DEPDC5: variants seen among roughly 807,000 people sequenced by gnomAD.
The protein encoded by DEPDC5 is DEP domain containing 5, GATOR1 subcomplex subunit.
A neutral mutation model predicts 217.3 loss-of-function variants in DEPDC5; 73 were observed. That is an observed-to-expected ratio of 0.34 (90% confidence interval 0.28 to 0.41). The LOEUF (loss-of-function observed/expected upper bound fraction) is 0.41. DEPDC5 is among the 10% of genes least tolerant of loss of function. The pLI, the probability that DEPDC5 is intolerant of heterozygous loss-of-function variation, is 1.00. For synonymous variants in DEPDC5, 733 were observed against 756.7 expected (o/e 0.97, Z 0.51); for missense variants, 1,675 against 2,070.1 (o/e 0.81, Z 3.70).
At chr22:31,867,506 CTT>C (rs1264454232) in intron 33 of DEPDC5, among the ~76,000 whole-genome samples, 1 of 152,204 alleles carries the variant, frequency 6.6e-6, no homozygotes, top group Non-Finnish European at 1.5e-5. Context: ...TGTGCAGCCT[CTT>C]AAAAGATACA....
At chr22:31,887,798 T>C (rs1348193488) in intron 38 of DEPDC5, among the ~76,000 whole-genome samples, 1 of 152,196 alleles carries the variant, frequency 6.6e-6, no homozygotes, top group East Asian at 1.9e-4. Flanking sequence ...ATGAGAGGTT[T>C]CTTCCCAGCA....
In DEPDC5 at chr22:31,843,349, CTAGGGTTATTT is replaced by C. The variant is rs2091511799; in HGVS notation, c.2633+147_2633+157del. 8 of 957,098 alleles carry C rather than the reference CTAGGGTTATTT, an allele frequency of 8.4e-6. No homozygotes were observed. In the Admixed American group the frequency reaches 1.3e-4, roughly 16 times the overall value. 59.3% of individuals were successfully genotyped at this position (957,098 alleles called of 1,614,324 possible). A position where few individuals can be genotyped will look rare whatever the true frequency, so the allele number is the denominator to read the frequency against. On this transcript the variant is annotated intron_variant, in intron 28 of 42. Coordinates refer to ENST00000651528, the MANE Select transcript of DEPDC5 (RefSeq NM_001242896.3). ...CTTTTGGAGTTTTGTTTGTTTGTTT[CTAGGGTTATTT>C]TAGGGTTATAGCTTACCTACTTCCA... is the stretch of plus-strand genomic sequence containing the variant.
intron 18 of DEPDC5, among the ~76,000 whole-genome samples, chr22:31,807,077 T>C (rs2087634381): frequency 6.6e-6 from 1 of 152,178 alleles, no homozygotes; most frequent in Non-Finnish European, 1.5e-5. Context: ...TGTTTTCTTC[T>C]TTCCAAAGAG....
At chr22:31,874,447 C>T (rs2149257363) in intron 36 of DEPDC5, 42 bp downstream of exon 36, 1 of 1,565,396 alleles carries the variant, frequency 6.4e-7, no homozygotes, top group Non-Finnish European at 8.6e-7. Flanking sequence ...TTGCTTAGGT[C>T]CCGAAAAATC....
Position 31,906,709 on chromosome 22 carries a change from T to A in DEPDC5, c.*212T>A. The A allele has an allele frequency of 6.4e-6, 4 of 628,146 alleles. No homozygotes were observed. Among genetic ancestry groups the A allele is most frequent in the South Asian group, 2.0e-5 (1 of 48,906 alleles). The allele number at this position is 628,146 out of a possible 1,614,324, so 38.9% of individuals were successfully genotyped here. Reference sequence around the variant, plus strand: ...CTAGAAGAAAGACTTTGGAAGCAGCTGCTGCTGCTGCCACCACTCCTGTCA... The same window carrying A: ...CTAGAAGAAAGACTTTGGAAGCAGCAGCTGCTGCTGCCACCACTCCTGTCA... On this transcript the variant is annotated 3_prime_UTR_variant, in exon 43 of 43. Coordinates refer to ENST00000651528, the MANE Select transcript of DEPDC5 (RefSeq NM_001242896.3). The surrounding 1 kb of genome is among the most constrained non-coding windows in gnomAD (Gnocchi z 5.1).
chr22:31,754,801 A>G (rs2147928733), intron 1 of DEPDC5, 61 bp from the exon 2 acceptor site: 1 of 1,153,380 alleles, frequency 8.7e-7, no homozygotes, highest in South Asian at 1.4e-5. Flanking sequence ...GCCTAAAATC[A>G]AAGAGTGGTT....
chr22:31,784,000 T>G lies in DEPDC5; in HGVS notation c.562+15T>G. Reference sequence around the variant, plus strand: ...TGATATTTATGGTACTGTGTCTATGTGCTGATTGTAACTGCTAAGGGGAGA... The same window carrying G: ...TGATATTTATGGTACTGTGTCTATGGGCTGATTGTAACTGCTAAGGGGAGA... On this transcript the variant is annotated intron_variant, in intron 9 of 42. Transcript: ENST00000651528. 6.2e-7 allele frequency: 1 copy of G among 1,607,914 alleles called. No individual in the cohort carries two copies. The highest frequency in any genetic ancestry group is 8.5e-7 in the Non-Finnish European group (1 of 1,177,094).
intron 5 of DEPDC5, 145 bp from the exon 6 acceptor site, chr22:31,766,439 CT>C: frequency 1.4e-6 from 1 of 719,604 alleles, no homozygotes; most frequent in Non-Finnish European, 2.4e-6. Flanking sequence ...GGATATAATT[CT>C]GTTCATCAGA....
intron 10 of DEPDC5, among the ~76,000 whole-genome samples, chr22:31,788,953 C>T (rs983593671): frequency 5.9e-5 from 9 of 152,240 alleles, no homozygotes; most frequent in African/African-American, 1.4e-4. Context: ...TGCAGTGCTG[C>T]GATCTCGAAC....
chr22:31,804,759 A>G (rs545696937), intron 16 of DEPDC5, 83 bp from the exon 17 acceptor site: 2 of 1,455,564 alleles, frequency 1.4e-6, no homozygotes, highest in Non-Finnish European at 1.9e-6. Flanking sequence ...TTTTTTTAAA[A>G]ACCTGAAAAA....
At chr22:31,807,058 G>A (rs917348279) in intron 18 of DEPDC5, among the ~76,000 whole-genome samples, 1 of 152,070 alleles carries the variant, frequency 6.6e-6, no homozygotes, top group African/African-American at 2.4e-5. Context: ...TAACAAGAGT[G>A]GGAATTCTTG....
At position 31,876,275 on chromosome 22, in the gene DEPDC5, G is replaced by A. The variant is rs201608608; in HGVS notation, c.3805+10G>A. On this transcript the variant is annotated intron_variant, in intron 37 of 42. Transcript: ENST00000651528. ...AAAGAGCCCGACCGAGGTTAGAGCC[G>A]AGGCGAATGCGGTTGCCCACAGGGG... 6.5e-5 allele frequency: 105 copies of A among 1,611,038 alleles called. No homozygotes were observed. The African/African-American group carries it at 1.0e-3, about 16-fold the overall frequency.
chr22:31,812,015 G>A (rs1018755835), intron 20 of DEPDC5, among the ~76,000 whole-genome samples: 14 of 150,606 alleles, frequency 9.3e-5, no homozygotes, highest in South Asian at 2.1e-4. Context: ...TCGAGATGGC[G>A]TCTTGCCCTG....
intron 31 of DEPDC5, among the ~76,000 whole-genome samples, chr22:31,851,380 C>T (rs1278665101): frequency 1.3e-5 from 2 of 152,168 alleles, no homozygotes; most frequent in Non-Finnish European, 2.9e-5. Flanking sequence ...AAAGCGTTTA[C>T]ATGGGGGTGG....
At chr22:31,834,159 G>C (rs533133992) in intron 25 of DEPDC5, 179 bp downstream of exon 25, 2 of 707,710 alleles carry the variant, frequency 2.8e-6, no homozygotes, top group South Asian at 3.0e-5. Context: ...GGAAAGTGAG[G>C]GGGTGTGTGA....
intron 24 of DEPDC5, among the ~76,000 whole-genome samples, chr22:31,830,794 A>AGAATTT (rs745985695): frequency 1.3e-5 from 2 of 151,530 alleles, no homozygotes; most frequent in African/African-American, 2.4e-5. Context: ...TATTAGTGTA[A>AGAATTT]GAATTTGAGT....
Position 31,876,272 on chromosome 22 carries a change from G to A in DEPDC5, c.3805+7G>A, listed in dbSNP as rs1223054638. On this transcript the variant is annotated splice_region_variant and intron_variant, in intron 37 of 42. Transcript: ENST00000651528. Reference sequence around the variant, plus strand: ...GACAAAGAGCCCGACCGAGGTTAGAGCCGAGGCGAATGCGGTTGCCCACAG... The same window carrying A: ...GACAAAGAGCCCGACCGAGGTTAGAACCGAGGCGAATGCGGTTGCCCACAG... The A allele has an allele frequency of 6.2e-7, 1 of 1,612,158 alleles. No homozygotes were observed. Among genetic ancestry groups the A allele is most frequent in the Non-Finnish European group, 8.5e-7 (1 of 1,179,480 alleles).
At chr22:31,878,746 A>T (rs949398833) in intron 37 of DEPDC5, among the ~76,000 whole-genome samples, 3 of 151,784 alleles carry the variant, frequency 2.0e-5, no homozygotes, top group Non-Finnish European at 4.4e-5. Context: ...TGAGCATAAA[A>T]TATTTTTTAG....
At chr22:31,867,176 T>C (rs5998152) in intron 33 of DEPDC5, among the ~76,000 whole-genome samples, 55,072 of 152,138 alleles carry the variant, frequency 0.36, 11,801 homozygotes, top group African/African-American at 0.6. Flanking sequence ...TCCTACCTGC[T>C]ATTTATCTTT....
Sources: allele counts gnomAD v4.1 joint callset (sites outside exome capture counted in the v4.1 genomes callset), GRCh38; gene constraint gnomAD v4.1.1; non-coding constraint Gnocchi (gnomAD v3.1); transcripts MANE v1.5; gene names NCBI Gene and HGNC (gene_info 2026-07-23, HGNC 2026-07-21).